RAB38: variants seen among roughly 807,000 people sequenced by gnomAD.
The protein encoded by RAB38 is ras-related protein Rab-38.
In RAB38, 15 loss-of-function variants were observed where a neutral mutation model predicts 18.4. The ratio of observed to expected loss-of-function variants is 0.82; its 90% confidence interval spans 0.55 to 1.26. RAB38 has a LOEUF of 1.26. Ranked by LOEUF, RAB38 falls within the 50% of genes most tolerant of loss-of-function variation. The probability of loss-of-function intolerance (pLI) is 0.00; values close to 1 mark genes in which losing one functional copy is unlikely to be tolerated. For synonymous variants in RAB38, 101 were observed against 104.4 expected (o/e 0.97, Z 0.20); for missense variants, 294 against 267.4 (o/e 1.10, Z -0.69).
intron 2 of RAB38, among the ~76,000 whole-genome samples, chr11:88,120,040 C>A (rs1215537648): frequency 6.6e-6 from 1 of 152,198 alleles, no homozygotes; most frequent in African/African-American, 2.4e-5. Flanking sequence ...GTCTGTTAAG[C>A]ACTTCTGTCC....
the RAB38 span, among the ~76,000 whole-genome samples, chr11:87,855,971 G>A: frequency 6.6e-6 from 1 of 151,804 alleles, no homozygotes; most frequent in African/African-American, 2.4e-5. Flanking sequence ...CATTTAGTTC[G>A]GTGTTCCTTA....
At chr11:88,107,310 C>G in the RAB38 span, among the ~76,000 whole-genome samples, 1 of 152,094 alleles carries the variant, frequency 6.6e-6, no homozygotes, top group Non-Finnish European at 1.5e-5. Flanking sequence ...TAGGTGACTG[C>G]TAATCAACTT....
chr11:88,076,654 T>C, the RAB38 span, among the ~76,000 whole-genome samples: 1 of 151,984 alleles, frequency 6.6e-6, no homozygotes, highest in Non-Finnish European at 1.5e-5. Flanking sequence ...CTATTTATAA[T>C]AGCTATAAAG....
the RAB38 span, among the ~76,000 whole-genome samples, chr11:88,086,654 C>T: frequency 6.6e-6 from 1 of 151,840 alleles, no homozygotes; most frequent in African/African-American, 2.4e-5. Flanking sequence ...TGAACTCCCT[C>T]AACACACCAG....
At chr11:87,873,437 A>G in the RAB38 span, among the ~76,000 whole-genome samples, 8 of 151,412 alleles carry the variant, frequency 5.3e-5, no homozygotes, top group African/African-American at 1.9e-4. Context: ...GCAGAGCAGA[A>G]GTTGTTATTA....
chr11:88,153,815 CT>C (rs912045238), intron 1 of RAB38, among the ~76,000 whole-genome samples: 29 of 152,138 alleles, frequency 1.9e-4, no homozygotes, highest in Admixed American at 1.4e-3. Flanking sequence ...ACTGCTATTT[CT>C]TTTTTTCCCC....
the RAB38 span, among the ~76,000 whole-genome samples, chr11:87,872,057 T>C: frequency 6.6e-6 from 1 of 151,700 alleles, no homozygotes; most frequent in African/African-American, 2.4e-5. Flanking sequence ...GTTAATACTT[T>C]ACCAAATTGG....
intron 1 of RAB38, among the ~76,000 whole-genome samples, chr11:88,172,746 TG>T (rs1943325116): frequency 6.6e-6 from 1 of 152,222 alleles, no homozygotes; most frequent in East Asian, 1.9e-4. Context: ...ATAACCCACA[TG>T]GCTCCCTATG....
the RAB38 span, among the ~76,000 whole-genome samples, chr11:88,018,727 A>C: frequency 6.6e-6 from 1 of 152,298 alleles, no homozygotes; most frequent in African/African-American, 2.4e-5. Flanking sequence ...CTCCATATAC[A>C]TACTTTAAAT....
chr11:87,817,778 T>C, the RAB38 span, among the ~76,000 whole-genome samples: 1 of 152,204 alleles, frequency 6.6e-6, no homozygotes, highest in Non-Finnish European at 1.5e-5. Context: ...CTAATGGCTG[T>C]GATAATCACA....
At chr11:87,861,235 AAC>A in the RAB38 span, among the ~76,000 whole-genome samples, 1 of 151,962 alleles carries the variant, frequency 6.6e-6, no homozygotes, top group Non-Finnish European at 1.5e-5. Flanking sequence ...AACAATAGCC[AAC>A]ACCATACACA....
chr11:88,091,518 T>C, the RAB38 span, among the ~76,000 whole-genome samples: 12 of 152,126 alleles, frequency 7.9e-5, no homozygotes, highest in African/African-American at 2.9e-4. Context: ...TCTCGCCATC[T>C]CACCAATCAC....
chr11:87,952,739 A>T, the RAB38 span, among the ~76,000 whole-genome samples: 2 of 152,124 alleles, frequency 1.3e-5, no homozygotes, highest in Non-Finnish European at 2.9e-5. Flanking sequence ...GGAAATATTT[A>T]ATAGAAGAGG....
the RAB38 span, among the ~76,000 whole-genome samples, chr11:88,071,376 A>G: frequency 1.3e-5 from 2 of 152,154 alleles, no homozygotes; most frequent in Admixed American, 1.3e-4. Flanking sequence ...CACAAGGCCC[A>G]GCAAGATCTA....
At chr11:88,169,501 TG>T (rs1427415907) in intron 1 of RAB38, among the ~76,000 whole-genome samples, 2 of 152,268 alleles carry the variant, frequency 1.3e-5, no homozygotes, top group South Asian at 2.1e-4. Context: ...AGCAGGAAGA[TG>T]GAATTGTAAG....
the RAB38 span, among the ~76,000 whole-genome samples, chr11:87,937,311 CATATATATATATATATAT>C: frequency 5.9e-4 from 49 of 82,690 alleles, 1 homozygote; most frequent in African/African-American, 1.5e-3. Flanking sequence ...ACTTGGTCAT[CATATATATATATATATAT>C]ATATATATAT....
chr11:87,901,066 T>G, the RAB38 span, among the ~76,000 whole-genome samples: 6 of 151,612 alleles, frequency 4.0e-5, no homozygotes, highest in Non-Finnish European at 8.9e-5. Context: ...AATCATCACA[T>G]TTTTGGGAGG....
chr11:87,939,926 A>G, the RAB38 span, among the ~76,000 whole-genome samples: 6 of 152,088 alleles, frequency 3.9e-5, no homozygotes, highest in South Asian at 6.2e-4. Flanking sequence ...TGTCAAATCA[A>G]TAATCTATAG....
At chr11:88,080,750 G>T in the RAB38 span, among the ~76,000 whole-genome samples, 3 of 150,374 alleles carry the variant, frequency 2.0e-5, no homozygotes, top group Non-Finnish European at 4.4e-5. Context: ...TGATACCCAA[G>T]TGTGGTTAAT....
Sources: allele counts gnomAD v4.1 joint callset (sites outside exome capture counted in the v4.1 genomes callset), GRCh38; gene constraint gnomAD v4.1.1; transcripts MANE v1.5; gene names NCBI Gene and HGNC (gene_info 2026-07-23, HGNC 2026-07-21).